Variants in CAPS2 observed in about 807,000 individuals in gnomAD.
CAPS2 encodes calcyphosine 2.
CAPS2 carries 98 observed loss-of-function variants against 86.5 expected under a neutral mutation model. The ratio of observed to expected loss-of-function variants is 1.13; its 90% CI spans 0.96 to 1.34. The LOEUF (loss-of-function observed/expected upper bound fraction) is 1.34. CAPS2 is among the 40% of genes most tolerant of loss of function. CAPS2 has a pLI of 0.00. For missense variants in CAPS2, 729 were observed against 686.8 expected (o/e 1.06, Z -0.69); for synonymous variants, 210 against 225.1 (o/e 0.93, Z 0.60).
At chr12:75,360,359 C>T (rs959489379) in intron 1 of CAPS2, 21 of 152,138 alleles carry the variant, frequency 1.4e-4, no homozygotes, top group Non-Finnish European at 2.9e-4. Context: ...AAGGCAAGTC[C>T]CTTCTGCCTA....
chr12:75,299,844 C>G (rs758053512), exon 9 of CAPS2: 1 of 1,492,408 alleles, frequency 6.7e-7, no homozygotes. Flanking sequence ...TACCGTGATA[C>G]GATCCTACCA....
chr12:75,339,064 C>T (rs1272175574), intron 1 of CAPS2, among the ~76,000 whole-genome samples: 1 of 152,172 alleles, frequency 6.6e-6, no homozygotes, highest in African/African-American at 2.4e-5. Context: ...AGTGAATATA[C>T]ATGTGCATGT....
At chr12:75,293,436 T>C in intron 11 of CAPS2, 69 bp from the exon 12 acceptor site, 1 of 947,734 alleles carries the variant, frequency 1.1e-6, no homozygotes, top group Non-Finnish European at 1.7e-6. Flanking sequence ...ACATCAATTT[T>C]AAATAATGGA....
In CAPS2 at chr12:75,377,840, GATAT is replaced by G. The variant is rs71078726; in HGVS notation, c.-395+12994_-395+12997del. Among the ~76,000 whole-genome samples, 36 of 146,852 alleles carry G rather than the reference GATAT, an allele frequency of 2.5e-4. 1 individual carries two copies. The highest frequency in any genetic ancestry group is 7.1e-3 in the Middle Eastern group (2 of 280). On this transcript the variant is annotated intron_variant, in intron 1 of 5. Transcript: ENST00000551829. ...TTGATACTTAATATTAACCATCACAGATATATATATATATATATATGCGTGTGTG... is the reference window on the plus strand; with the variant it reads ...TTGATACTTAATATTAACCATCACAGATATATATATATATATGCGTGTGTG...
intron 1 of CAPS2, among the ~76,000 whole-genome samples, chr12:75,338,521 T>C (rs1012671637): frequency 1.3e-5 from 2 of 152,128 alleles, no homozygotes; most frequent in African/African-American, 2.4e-5. Flanking sequence ...TTTTTTTCCA[T>C]TTTTTCCTGT....
At chr12:75,355,992 A>C (rs2043132648) in intron 1 of CAPS2, among the ~76,000 whole-genome samples, 3 of 152,114 alleles carry the variant, frequency 2.0e-5, no homozygotes, top group Non-Finnish European at 4.4e-5. Flanking sequence ...TAGGGTGGGG[A>C]GAGGGAGAGC....
chr12:75,382,112 T>A (rs560499381), intron 1 of CAPS2, among the ~76,000 whole-genome samples: 3 of 152,036 alleles, frequency 2.0e-5, no homozygotes, highest in African/African-American at 7.3e-5. Context: ...GAATCTTAAA[T>A]TTGAATTATA....
chr12:75,345,713 A>G (rs1184207099), intron 1 of CAPS2, among the ~76,000 whole-genome samples: 2 of 152,230 alleles, frequency 1.3e-5, no homozygotes, highest in African/African-American at 4.8e-5. Context: ...CAGGTGTCAG[A>G]TGTCCTGACT....
chr12:75,278,923 A>C, exon 17 of CAPS2: 1 of 1,597,544 alleles, frequency 6.3e-7, no homozygotes, highest in Non-Finnish European at 8.5e-7. Context: ...AGATGTTAAC[A>C]AAGTCTTCAT....
chr12:75,336,622 C>A (rs76603111), intron 1 of CAPS2, among the ~76,000 whole-genome samples: 5,810 of 151,284 alleles, frequency 0.038, 129 homozygotes, highest in East Asian at 0.051. Context: ...ATCTTCAATA[C>A]AAATAAATGT....
chr12:75,374,990 C>T (rs561897525), intron 1 of CAPS2, among the ~76,000 whole-genome samples: 2 of 152,338 alleles, frequency 1.3e-5, no homozygotes, highest in South Asian at 2.1e-4. Context: ...GTGGGAATCA[C>T]CATCCCTGTT....
At chr12:75,305,685 C>G (rs2038384003) in intron 7 of CAPS2, 1 of 656,762 alleles carries the variant, frequency 1.5e-6, no homozygotes, top group Admixed American at 1.8e-5. Flanking sequence ...CAGTCTGGCC[C>G]GGCACAGCTG....
At chr12:75,305,488 G>C (rs1173049964) in intron 7 of CAPS2, 6 of 586,006 alleles carry the variant, frequency 1.0e-5, no homozygotes, top group Middle Eastern at 4.3e-4. Context: ...CAACTTTGCA[G>C]CCGAGGCCTC....
At chr12:75,329,777 C>T, upstream of CAPS2, 1 of 1,431,606 alleles carries the variant, frequency 7.0e-7, no homozygotes, top group Non-Finnish European at 9.4e-7. Context: ...AGGGTAATAT[C>T]TCCTTTCACC....
intron 5 of CAPS2, among the ~76,000 whole-genome samples, chr12:75,320,051 T>C (rs1462804713): frequency 6.6e-6 from 1 of 152,068 alleles, no homozygotes; most frequent in Non-Finnish European, 1.5e-5. Context: ...CATATTAAAC[T>C]TAATAATTTC....
chr12:75,352,689 A>G (rs2042892673), intron 1 of CAPS2, among the ~76,000 whole-genome samples: 1 of 152,206 alleles, frequency 6.6e-6, no homozygotes, highest in African/African-American at 2.4e-5. Context: ...CCCCAAAACA[A>G]CAGAATATAC....
Position 75,299,922 on chromosome 12 carries a change from A to C in CAPS2, c.780-11T>G. The C allele has an allele frequency of 8.3e-7, 1 of 1,205,330 alleles. No individual in the cohort carries two copies. The highest frequency in any genetic ancestry group is 1.1e-6 in the Non-Finnish European group (1 of 872,720). 74.7% of individuals were successfully genotyped at this position (1,205,330 alleles called of 1,614,324 possible). A position where few individuals can be genotyped will look rare whatever the true frequency, so the allele number is the denominator to read the frequency against. On this transcript the variant is annotated splice_polypyrimidine_tract_variant and intron_variant, in intron 8 of 16. Coordinates refer to ENST00000393284, the Ensembl canonical transcript of CAPS2. ...GAATGAGTTCTTATCCTGTTAAGAA[A>C]TACATTTTGTCAGTAATTTTTCAAG... is the stretch of plus-strand genomic sequence containing the variant.
intron 1 of CAPS2, among the ~76,000 whole-genome samples, chr12:75,337,074 G>C (rs1185349826): frequency 1.3e-5 from 2 of 151,742 alleles, no homozygotes. Context: ...TGGAAACACA[G>C]CATATCAAAA....
chr12:75,298,941 G>A (rs1422261315), exon 10 of CAPS2: 3 of 1,605,632 alleles, frequency 1.9e-6, no homozygotes, highest in East Asian at 2.2e-5. Flanking sequence ...AACCCAATGA[G>A]CTCTCTGCAA....
Sources: allele counts gnomAD v4.1 joint callset (sites outside exome capture counted in the v4.1 genomes callset), GRCh38; gene constraint gnomAD v4.1.1; transcripts MANE v1.5; gene names NCBI Gene and HGNC (gene_info 2026-07-23, HGNC 2026-07-21).